FOXN2: variants seen among roughly 807,000 people sequenced by gnomAD.
The protein encoded by FOXN2 is forkhead box N2.
Under a neutral mutation model 41.2 loss-of-function variants are expected in FOXN2, and 19 were observed. The observed-to-expected ratio is 0.46, with a 90% confidence interval of 0.32 to 0.68. The LOEUF (loss-of-function observed/expected upper bound fraction) is 0.68, where lower values mean the gene tolerates loss of function less well. Ranked by LOEUF, FOXN2 falls within the 30% of genes least tolerant of loss-of-function variation. The pLI, the probability that FOXN2 is intolerant of heterozygous loss-of-function variation, is 0.03. For missense variants in FOXN2, 587 were observed against 509.4 expected (o/e 1.15, Z -1.47); for synonymous variants, 195 against 176.8 (o/e 1.10, Z -0.82).
chr2:48,338,593 G>A (rs1244916998), intron 2 of FOXN2, among the ~76,000 whole-genome samples: 1 of 152,000 alleles, frequency 6.6e-6, no homozygotes, highest in Admixed American at 6.5e-5. Context: ...AGTAGAGGGG[G>A]TTTCACCGTG....
In FOXN2 at chr2:48,376,877, C is replaced by CAT. The variant is rs1309623685; in HGVS notation, c.*1437_*1438dup. 6.6e-6 allele frequency: 1 copy of CAT among 152,346 alleles called. No homozygotes were observed. Among genetic ancestry groups the CAT allele is most frequent in the Non-Finnish European group, 1.5e-5 (1 of 67,892 alleles). The allele number at this position is 152,346 out of a possible 1,614,324, so 9.4% of individuals were successfully genotyped here. On this transcript the variant is annotated 3_prime_UTR_variant, in exon 7 of 7. Coordinates refer to ENST00000340553, the MANE Select transcript of FOXN2 (RefSeq NM_002158.4). ...TTTCATTATTCTGATAGATTGTATA[C>CAT]ATATGTACACATACATATACACATA...
At chr2:48,369,390 T>C (rs1294310509) in intron 5 of FOXN2, among the ~76,000 whole-genome samples, 3 of 151,986 alleles carry the variant, frequency 2.0e-5, no homozygotes, top group East Asian at 1.9e-4. Flanking sequence ...ATACAAAAAT[T>C]AGCTGACTGT....
At chr2:48,339,973 C>T (rs184265482) in intron 2 of FOXN2, among the ~76,000 whole-genome samples, 1 of 152,046 alleles carries the variant, frequency 6.6e-6, no homozygotes, top group Non-Finnish European at 1.5e-5. Context: ...TTAATGAATT[C>T]GATGGGGGAA....
At chr2:48,334,307 T>A (rs78776189) in intron 2 of FOXN2, among the ~76,000 whole-genome samples, 2,410 of 152,326 alleles carry the variant, frequency 0.016, 62 homozygotes, top group African/African-American at 0.054. Context: ...TATCCATTAA[T>A]CTTTTACCTC....
intron 3 of FOXN2, among the ~76,000 whole-genome samples, chr2:48,353,585 TG>T (rs1671595374): frequency 6.7e-6 from 1 of 148,780 alleles, no homozygotes; most frequent in Non-Finnish European, 1.5e-5. Context: ...TGTGTGTGTG[TG>T]TGTGTGTGTG....
intron 2 of FOXN2, among the ~76,000 whole-genome samples, chr2:48,336,431 GTA>G (rs1236198618): frequency 4.5e-5 from 6 of 131,922 alleles, no homozygotes; most frequent in African/African-American, 5.9e-5. Context: ...ATATATATAT[GTA>G]TATGTGTGTG....
chr2:48,326,683 A>G (rs1485044211), intron 1 of FOXN2, among the ~76,000 whole-genome samples: 2 of 152,232 alleles, frequency 1.3e-5, no homozygotes, highest in Non-Finnish European at 2.9e-5. Context: ...CACAAGTGGA[A>G]GATTCCACAC....
At chr2:48,341,460 A>G (rs2104334883) in intron 2 of FOXN2, among the ~76,000 whole-genome samples, 1 of 152,320 alleles carries the variant, frequency 6.6e-6, no homozygotes, top group South Asian at 2.1e-4. Flanking sequence ...TGTAACCAGA[A>G]TGCTAACAAA....
intron 2 of FOXN2, among the ~76,000 whole-genome samples, chr2:48,336,132 G>A (rs1203409455): frequency 3.9e-5 from 6 of 151,932 alleles, no homozygotes; most frequent in Admixed American, 2.0e-4. Flanking sequence ...TGCTTGGCAC[G>A]GTGGCTCACG....
chr2:48,314,045 T>A (rs1232314301), upstream of FOXN2, among the ~76,000 whole-genome samples: 1 of 152,248 alleles, frequency 6.6e-6, no homozygotes, highest in Admixed American at 6.5e-5. Flanking sequence ...GCAAACACAG[T>A]GACTTGTTTC....
chr2:48,356,072 C>T (rs943781638), intron 3 of FOXN2, among the ~76,000 whole-genome samples: 1 of 152,060 alleles, frequency 6.6e-6, no homozygotes, highest in Non-Finnish European at 1.5e-5. Flanking sequence ...TGCAGTGAGC[C>T]AAGATCGTGC....
At chr2:48,326,002 C>G (rs534258605) in intron 1 of FOXN2, among the ~76,000 whole-genome samples, 1 of 152,196 alleles carries the variant, frequency 6.6e-6, no homozygotes, top group Admixed American at 6.5e-5. Context: ...GCACATGCCA[C>G]CACGCCCAGC....
intron 2 of FOXN2, among the ~76,000 whole-genome samples, chr2:48,329,166 CG>C (rs1669870413): frequency 6.6e-6 from 1 of 152,038 alleles, no homozygotes; most frequent in African/African-American, 2.4e-5. Flanking sequence ...AAGAAAGAGA[CG>C]AATGACTACA....
At chr2:48,327,055 T>C (rs923980468) in intron 1 of FOXN2, among the ~76,000 whole-genome samples, 2 of 152,054 alleles carry the variant, frequency 1.3e-5, no homozygotes, top group Non-Finnish European at 2.9e-5. Flanking sequence ...TTCAGAGGTA[T>C]TTCAGATTTA....
At position 48,346,672 on chromosome 2, in the gene FOXN2, C is replaced by T. The variant is rs1450222965; in HGVS notation, c.458C>T (p.Pro153Leu). Reference protein sequence around the residue: ...LDHFPYFATAPTGWKNSVRHN... With the variant: ...LDHFPYFATALTGWKNSVRHN... The stretch of plus-strand genomic sequence containing the variant: ...CATTTTCCATATTTTGCTACTGCAC[C>T]AACAGGCTGGAAGAATTCTGTTCGA... The change falls in exon 3 of 7, where the codon CCA becomes CTA. Residue 153 changes from proline (P) to leucine (L), a missense_variant. Physicochemically the swap from Pro to Leu is moderately conservative, Grantham distance 98. Transcript: ENST00000340553. The T allele has an allele frequency of 9.3e-6, 15 of 1,613,554 alleles. No individual in the cohort carries two copies. The highest frequency in any genetic ancestry group is 1.7e-5 in the Admixed American group (1 of 59,876).
intron 2 of FOXN2, among the ~76,000 whole-genome samples, chr2:48,344,456 G>A (rs886715975): frequency 9.2e-5 from 14 of 152,150 alleles, no homozygotes; most frequent in African/African-American, 3.1e-4. Flanking sequence ...TTTGTTTCTG[G>A]AGTCAGTCTG....
intron 3 of FOXN2, among the ~76,000 whole-genome samples, chr2:48,349,227 T>G (rs1671299956): frequency 6.6e-6 from 1 of 152,202 alleles, no homozygotes; most frequent in Non-Finnish European, 1.5e-5. Flanking sequence ...GGCTCACACC[T>G]GTAATCCCAG....
chr2:48,354,830 A>T (rs1426910780), intron 3 of FOXN2, among the ~76,000 whole-genome samples: 1 of 152,272 alleles, frequency 6.6e-6, no homozygotes, highest in African/African-American at 2.4e-5. Flanking sequence ...AAACATAAAC[A>T]AAGATGTTTA....
At chr2:48,365,439 G>A (rs1672470926) in intron 5 of FOXN2, among the ~76,000 whole-genome samples, 1 of 152,144 alleles carries the variant, frequency 6.6e-6, no homozygotes, top group South Asian at 2.1e-4. Context: ...CTAAAGCTCA[G>A]TTCGTATACA....
Sources: gnomAD v4.1 joint callset for allele counts (sites outside exome capture counted in the v4.1 genomes callset) on GRCh38, gnomAD v4.1.1 for gene constraint, MANE v1.5 for transcripts, NCBI Gene and HGNC (gene_info 2026-07-23, HGNC 2026-07-21) for gene names.